LMBR1: variants seen among roughly 807,000 people sequenced by gnomAD.
The protein encoded by LMBR1 is limb region 1 protein homolog.
A neutral mutation model predicts 73.9 loss-of-function variants in LMBR1; 52 were observed. The ratio of observed to expected loss-of-function variants is 0.70; its 90% confidence interval spans 0.56 to 0.89. The LOEUF (loss-of-function observed/expected upper bound fraction) is 0.89, where lower values mean the gene tolerates loss of function less well. LMBR1 is among the 40% of genes least tolerant of loss of function. The pLI, the probability that LMBR1 is intolerant of heterozygous loss-of-function variation, is 0.00. For missense variants in LMBR1, 539 were observed against 579.8 expected, an observed-to-expected ratio of 0.93 and a Z score of 0.72; for synonymous variants, 215 against 209.4, an observed-to-expected ratio of 1.03 and a Z score of -0.23.
chr7:156,768,802 G>T (rs147359047), intron 5 of LMBR1, among the ~76,000 whole-genome samples: 84 of 152,284 alleles, frequency 5.5e-4, no homozygotes, highest in African/African-American at 1.9e-3. Flanking sequence ...CCCAGAAGAG[G>T]GATGCCAGGC....
intron 15 of LMBR1, among the ~76,000 whole-genome samples, chr7:156,713,949 T>C (rs1812648810): frequency 6.6e-6 from 1 of 152,248 alleles, no homozygotes; most frequent in African/African-American, 2.4e-5. Flanking sequence ...GTCCCTACCA[T>C]ATTCCTACAT....
Position 156,847,636 on chromosome 7 carries a change from T to C in LMBR1, c.67-10751A>G, listed in dbSNP as rs115379786. Among the ~76,000 whole-genome samples the C allele has an allele frequency of 2.6e-3, 402 of 152,038 alleles. 7 individuals carry two copies. Among genetic ancestry groups the C allele is most frequent in the African/African-American group, 9.1e-3 (377 of 41,494 alleles). ...TATTGAAAAATGGCCAAAGACCTCA[T>C]GAGTGAAGATACGCAGATAGCAAAT... is the stretch of plus-strand genomic sequence containing the variant. On this transcript the variant is annotated intron_variant, in intron 1 of 16. Transcript: ENST00000353442.
intron 5 of LMBR1, among the ~76,000 whole-genome samples, chr7:156,795,560 G>C (rs763384120): frequency 3.3e-5 from 5 of 152,134 alleles, no homozygotes; most frequent in East Asian, 1.9e-4. Flanking sequence ...CTTTCTTCTT[G>C]TTGTTTATTC....
chr7:156,720,624 A>AAAGTTAATTACTAT (rs1353668997), intron 15 of LMBR1, among the ~76,000 whole-genome samples: 1 of 151,948 alleles, frequency 6.6e-6, no homozygotes, highest in East Asian at 1.9e-4. Flanking sequence ...TAATCAACCA[A>AAAGTTAATTACTAT]AAGTTAATTA....
At chr7:156,675,787 GA>G (rs2131761458), downstream of LMBR1, 1 of 1,614,060 alleles carries the variant, frequency 6.2e-7, no homozygotes, top group Non-Finnish European at 8.5e-7. Context: ...GCCATAAATC[GA>G]AGTGTTCTTC....
intron 16 of LMBR1, among the ~76,000 whole-genome samples, chr7:156,687,183 G>A (rs1053782533): frequency 5.3e-5 from 8 of 152,164 alleles, no homozygotes; most frequent in African/African-American, 1.9e-4. Flanking sequence ...CCATCAGTAT[G>A]TGGCCTTTTA....
intron 1 of LMBR1, among the ~76,000 whole-genome samples, chr7:156,873,102 A>G (rs1799570776): frequency 4.6e-5 from 7 of 152,098 alleles, no homozygotes. Context: ...ACTGACTTCA[A>G]GAATGAAGCC....
At chr7:156,714,962 T>G (rs1812900131) in intron 15 of LMBR1, among the ~76,000 whole-genome samples, 1 of 151,544 alleles carries the variant, frequency 6.6e-6, no homozygotes, top group Non-Finnish European at 1.5e-5. Flanking sequence ...TTCTTTTTTT[T>G]TTTTTTTGAG....
At chr7:156,872,992 C>T (rs187528328) in intron 1 of LMBR1, among the ~76,000 whole-genome samples, 27 of 152,250 alleles carry the variant, frequency 1.8e-4, no homozygotes, top group African/African-American at 6.3e-4. Flanking sequence ...CGGACCCTCA[C>T]GGTGAGTGTT....
Position 156,734,235 on chromosome 7 carries a change from G to A in LMBR1, c.780C>T (p.Tyr260=). ...GTTCTTGTTCCAACTCCATTATGTT[G>A]TATTCCACCGATGAAGACAGCCCTG... ...RLNGLSSSVE[Y]NIMELEQELE... is the part of the protein sequence containing the mutation. The change falls in exon 10 of 17, where the codon TAC becomes TAT. Residue 260 remains tyrosine, a synonymous_variant. Coordinates refer to ENST00000353442, the MANE Select transcript of LMBR1 (RefSeq NM_022458.4). The A allele has an allele frequency of 2.5e-6, 4 of 1,609,418 alleles. No individual in the cohort carries two copies. Among genetic ancestry groups the A allele is most frequent in the Non-Finnish European group, 3.4e-6 (4 of 1,178,378 alleles).
chr7:156,884,725 T>G (rs1159167741), intron 1 of LMBR1, among the ~76,000 whole-genome samples: 1 of 152,336 alleles, frequency 6.6e-6, no homozygotes, highest in African/African-American at 2.4e-5. Flanking sequence ...ACTACAGGTG[T>G]GCTCTTGGAG....
chr7:156,829,601 C>T (rs1836305970), intron 3 of LMBR1, among the ~76,000 whole-genome samples: 1 of 152,194 alleles, frequency 6.6e-6, no homozygotes, highest in Admixed American at 6.5e-5. Context: ...TTATCAACTA[C>T]CCAGTTTCAA....
intron 1 of LMBR1, among the ~76,000 whole-genome samples, chr7:156,865,732 T>C (rs1798351819): frequency 6.6e-6 from 1 of 152,126 alleles, no homozygotes; most frequent in Non-Finnish European, 1.5e-5. Flanking sequence ...AAAATAGACA[T>C]AGAGACCAAA....
intron 1 of LMBR1, among the ~76,000 whole-genome samples, chr7:156,880,217 G>A (rs576108487): frequency 3.0e-4 from 46 of 152,298 alleles, no homozygotes; most frequent in African/African-American, 1.0e-3. Flanking sequence ...TGGGATTGGA[G>A]ACTATTATTC....
chr7:156,799,398 A>G (rs1276508932), intron 4 of LMBR1, among the ~76,000 whole-genome samples: 1 of 152,128 alleles, frequency 6.6e-6, no homozygotes, highest in South Asian at 2.1e-4. Context: ...AATACTTCAA[A>G]CATTTTCACT....
intron 15 of LMBR1, among the ~76,000 whole-genome samples, chr7:156,716,037 C>T (rs1286983354): frequency 2.0e-5 from 3 of 152,114 alleles, no homozygotes. Flanking sequence ...CATCAAAATA[C>T]TTATTAACAT....
rs1414481090 is a variant in LMBR1 at position 156,763,725 on chromosome 7, A to G, written c.494T>C (p.Val165Ala). 8 of 1,606,202 alleles carry G rather than the reference A, an allele frequency of 5.0e-6. No individual in the cohort carries two copies. The highest frequency in any genetic ancestry group is 6.8e-6 in the Non-Finnish European group (8 of 1,178,326). ...LLLALLILGIVWVASALIDND... is the reference protein window; with the variant it reads ...LLLALLILGIAWVASALIDND... ...GTCAATGAGTGCTGAAGCTACCCAC[A>G]CTATCCCAAGAATGAGTAACGCAAG... The change falls in exon 6 of 17, where the codon GTG becomes GCG. Residue 165 changes from valine to alanine, a missense_variant. Physicochemically the swap from Val to Ala is moderately conservative, Grantham distance 64. This residue lies in a region of LMBR1 where 454 missense variants were observed against 473.4 expected (regional missense o/e 0.96). Transcript: ENST00000353442.
intron 1 of LMBR1, among the ~76,000 whole-genome samples, chr7:156,881,193 T>A (rs1350281596): frequency 6.6e-6 from 1 of 152,180 alleles, no homozygotes; most frequent in East Asian, 1.9e-4. Context: ...AATCCATTTA[T>A]GTACAGTCAC....
chr7:156,853,178 T>C (rs930253978), intron 1 of LMBR1, among the ~76,000 whole-genome samples: 1 of 152,108 alleles, frequency 6.6e-6, no homozygotes, highest in Non-Finnish European at 1.5e-5. Flanking sequence ...GACCTCATGA[T>C]CTGCCCGCCT....
Sources: allele counts gnomAD v4.1 joint callset (sites outside exome capture counted in the v4.1 genomes callset), GRCh38; gene constraint gnomAD v4.1.1; regional missense constraint gnomAD v4.1.1; transcripts MANE v1.5; gene names NCBI Gene and HGNC (gene_info 2026-07-23, HGNC 2026-07-21).